The following NF1 variants were observed in gnomAD, a reference collection of about 807,000 sequenced individuals.
NF1 encodes neurofibromin.
A neutral mutation model predicts 325.7 loss-of-function variants in NF1; 122 were observed. The observed-to-expected ratio is 0.37, with a 90% CI of 0.32 to 0.44. NF1 has a LOEUF of 0.44. Among genes scored for constraint, NF1 ranks in the 20% least tolerant of loss-of-function variants. The pLI, the probability that NF1 is intolerant of heterozygous loss-of-function variation, is 1.00. For synonymous variants in NF1, 1,091 were observed against 1,186.0 expected, an observed-to-expected ratio of 0.92 and a Z score of 1.65; for missense variants, 2,140 against 3,415.4, an observed-to-expected ratio of 0.63 and a Z score of 9.31.
chr17:31,263,125 A>AG (rs78971065), intron 35 of NF1, among the ~76,000 whole-genome samples: 1 of 143,118 alleles, frequency 7.0e-6, no homozygotes. Flanking sequence ...ATAGATAGAT[A>AG]AGATAAGATA....
intron 13 of NF1, among the ~76,000 whole-genome samples, 186 bp from the exon 14 acceptor site, chr17:31,218,819 G>A (rs1429140710): frequency 1.3e-5 from 2 of 152,054 alleles, no homozygotes; most frequent in Non-Finnish European, 2.9e-5. Context: ...TGATCCACCC[G>A]CCACTACCTC....
At chr17:31,198,770 A>G (rs2066477597) in intron 8 of NF1, among the ~76,000 whole-genome samples, 1 of 152,022 alleles carries the variant, frequency 6.6e-6, no homozygotes, top group South Asian at 2.1e-4. Flanking sequence ...ATGCACCACC[A>G]TGCCTGTGTA....
chr17:31,143,169 T>C (rs111284013), intron 1 of NF1, among the ~76,000 whole-genome samples: 2,732 of 152,286 alleles, frequency 0.018, 83 homozygotes, highest in African/African-American at 0.062. Context: ...AGGAAAATCT[T>C]TATTACTCCA....
intron 1 of NF1, among the ~76,000 whole-genome samples, chr17:31,111,443 T>C (rs1173923591): frequency 1.3e-5 from 2 of 152,110 alleles, no homozygotes; most frequent in African/African-American, 4.8e-5. Flanking sequence ...AAAACTACAC[T>C]TAGCATATCT....
chr17:31,098,665 G>A (rs1401355622), intron 1 of NF1, among the ~76,000 whole-genome samples: 1 of 152,164 alleles, frequency 6.6e-6, no homozygotes, highest in Non-Finnish European at 1.5e-5. Flanking sequence ...CGGGCGCGGC[G>A]GCTCACGCCT....
At chr17:31,299,931 A>G (rs2068541134) in intron 36 of NF1, among the ~76,000 whole-genome samples, 1 of 151,980 alleles carries the variant, frequency 6.6e-6, no homozygotes, top group Non-Finnish European at 1.5e-5. Flanking sequence ...CATATTTTCT[A>G]TAAGTGATTC....
intron 57 of NF1, chr17:31,361,374 T>A (rs2070396560): frequency 6.6e-6 from 1 of 152,562 alleles, no homozygotes. Flanking sequence ...ATGGCAAACC[T>A]ACAGAACTCT....
At chr17:31,338,250 A>G (rs2069731694) in intron 45 of NF1, 111 bp downstream of exon 45, 1 of 795,964 alleles carries the variant, frequency 1.3e-6, no homozygotes, top group Non-Finnish European at 2.2e-6. Context: ...AATATCTTAT[A>G]TGTTACTTAT....
At chr17:31,275,919 C>T (rs1244921065) in intron 36 of NF1, among the ~76,000 whole-genome samples, 1 of 151,838 alleles carries the variant, frequency 6.6e-6, no homozygotes, top group African/African-American at 2.4e-5. Flanking sequence ...GACACAGGGC[C>T]AGTTATAAAG....
At chr17:31,117,993 G>C (rs1308514228) in intron 1 of NF1, among the ~76,000 whole-genome samples, 5 of 152,180 alleles carry the variant, frequency 3.3e-5, no homozygotes, top group Non-Finnish European at 5.9e-5. Flanking sequence ...TAAGGGATAA[G>C]GGCTGAATTA....
At chr17:31,147,368 T>A (rs1916651875) in intron 1 of NF1, among the ~76,000 whole-genome samples, 1 of 152,274 alleles carries the variant, frequency 6.6e-6, no homozygotes, top group Non-Finnish European at 1.5e-5. Flanking sequence ...TTTGTGAAAT[T>A]AAGCTCACAA....
At chr17:31,126,878 T>G (rs1253702571) in intron 1 of NF1, among the ~76,000 whole-genome samples, 2 of 152,240 alleles carry the variant, frequency 1.3e-5, no homozygotes. Flanking sequence ...TTTAAAATTT[T>G]TTTGTGTCCT....
chr17:31,356,157 G>A (rs911215654), intron 51 of NF1: 7 of 315,344 alleles, frequency 2.2e-5, no homozygotes, highest in African/African-American at 8.6e-5. Flanking sequence ...TTTATTATCA[G>A]TTATCATATT....
chr17:31,295,198 C>T, intron 36 of NF1: 9 of 1,614,102 alleles, frequency 5.6e-6, no homozygotes, highest in Non-Finnish European at 6.8e-6. Context: ...TACTTAGGGT[C>T]ATGGGTGTTG....
intron 22 of NF1, 115 bp downstream of exon 22, chr17:31,230,089 C>A: frequency 7.0e-7 from 1 of 1,437,914 alleles, no homozygotes; most frequent in Non-Finnish European, 9.7e-7. Flanking sequence ...TGCACACAAA[C>A]TAGGGTGTGA....
At chr17:31,238,267 GC>G (rs34089694) in intron 29 of NF1, among the ~76,000 whole-genome samples, 63,934 of 151,876 alleles carry the variant, frequency 0.42, 15,357 homozygotes, top group African/African-American at 0.66. Context: ...ATCCCTTTAT[GC>G]TTTGGGCAGG....
chr17:31,266,447 C>T (rs1048596943), intron 36 of NF1, among the ~76,000 whole-genome samples: 1 of 152,116 alleles, frequency 6.6e-6, no homozygotes, highest in African/African-American at 2.4e-5. Flanking sequence ...TGCCCTTTAA[C>T]AACTCTAAGT....
chr17:31,290,542 C>G (rs777796713), intron 36 of NF1, among the ~76,000 whole-genome samples: 31 of 152,114 alleles, frequency 2.0e-4, no homozygotes, highest in Non-Finnish European at 3.5e-4. Context: ...GCACAGAAAC[C>G]TAATTTGCTG....
At chr17:31,131,339 C>A (rs985480175) in intron 1 of NF1, among the ~76,000 whole-genome samples, 1 of 152,186 alleles carries the variant, frequency 6.6e-6, no homozygotes, top group Admixed American at 6.5e-5. Context: ...ATTCCAGAGT[C>A]CCCTGGTGAG....
Sources: gnomAD v4.1 joint callset for allele counts (sites outside exome capture counted in the v4.1 genomes callset) on GRCh38, gnomAD v4.1.1 for gene constraint, MANE v1.5 for transcripts, NCBI Gene and HGNC (gene_info 2026-07-23, HGNC 2026-07-21) for gene names.